The following MRPL1 variants were observed in gnomAD, a reference collection of about 807,000 sequenced individuals.
MRPL1 encodes the protein large ribosomal subunit protein uL1m.
MRPL1 carries 28 observed loss-of-function variants against 38.0 expected under a neutral mutation model. The observed-to-expected ratio is 0.74, with a 90% CI of 0.55 to 1.01. MRPL1 has a LOEUF of 1.01. Ranked by LOEUF, MRPL1 falls within the 50% of genes least tolerant of loss-of-function variation. The probability of loss-of-function intolerance (pLI) is 0.00; values close to 1 mark genes in which losing one functional copy is unlikely to be tolerated. For synonymous variants in MRPL1, 123 were observed against 126.7 expected, an observed-to-expected ratio of 0.97 and a Z score of 0.20; for missense variants, 358 against 389.8, an observed-to-expected ratio of 0.92 and a Z score of 0.69.
Position 77,920,088 on chromosome 4 carries a change from A to C in MRPL1, c.777+10716A>C, listed in dbSNP as rs1371914205. Among the ~76,000 whole-genome samples the C allele has an allele frequency of 3.3e-5, 5 of 152,168 alleles. No homozygotes were observed. In the East Asian group the frequency reaches 9.6e-4, roughly 29 times the overall value. On this transcript the variant is annotated intron_variant, in intron 7 of 8. Coordinates refer to ENST00000315567, the MANE Select transcript of MRPL1 (RefSeq NM_020236.4). ...CTTTAAAGAAGTGCAATGTACTATG[A>C]AAGTGACTTAGTTTTTTATCTTTTT... is the stretch of plus-strand genomic sequence containing the variant.
At position 77,907,106 on chromosome 4, in the gene MRPL1, C is replaced by G. The variant is rs117718402; in HGVS notation, c.671-2160C>G. The G allele has an allele frequency of 9.1e-6, 9 of 985,306 alleles. 1 individual carries two copies. The East Asian group carries it at 1.0e-3, about 112-fold the overall frequency. The allele number at this position is 985,306 out of a possible 1,614,324, so 61.0% of individuals were successfully genotyped here. A position where few individuals can be genotyped will look rare whatever the true frequency, so the allele number is the denominator to read the frequency against. On this transcript the variant is annotated intron_variant, in intron 6 of 8. Coordinates refer to ENST00000315567, the MANE Select transcript of MRPL1 (RefSeq NM_020236.4). ...CATTGATTCATCTATGGAAGACTTG[C>G]TTGAGCATGGTGGGAGTGATGTCTC...
intron 2 of MRPL1, among the ~76,000 whole-genome samples, chr4:77,874,915 G>C (rs1281304797): frequency 6.6e-6 from 1 of 151,308 alleles, no homozygotes; most frequent in Admixed American, 6.6e-5. Context: ...CCGAGTAGCT[G>C]GGATTACAGG....
At chr4:77,884,853 CATTT>C (rs1374568293) in intron 3 of MRPL1, among the ~76,000 whole-genome samples, 3 of 152,122 alleles carry the variant, frequency 2.0e-5, no homozygotes, top group African/African-American at 7.2e-5. Context: ...AGATAGCAAA[CATTT>C]ATTATACATC....
intron 7 of MRPL1, among the ~76,000 whole-genome samples, chr4:77,925,826 C>T (rs28640158): frequency 0.14 from 20,572 of 151,902 alleles, 1,846 homozygotes; most frequent in Non-Finnish European, 0.21. Flanking sequence ...TACTTTGCAA[C>T]CTTTTTTGGC....
chr4:77,889,662 A>C (rs1735762413), intron 5 of MRPL1, among the ~76,000 whole-genome samples: 2 of 152,222 alleles, frequency 1.3e-5, no homozygotes, highest in Non-Finnish European at 1.5e-5. Flanking sequence ...AGAGATACAA[A>C]AAACCCTTCA....
At chr4:77,947,585 A>G (rs1031155373) in intron 7 of MRPL1, among the ~76,000 whole-genome samples, 8 of 152,230 alleles carry the variant, frequency 5.3e-5, no homozygotes, top group Admixed American at 5.2e-4. Context: ...GGAAAGCACT[A>G]TTGGAAGTGC....
chr4:77,897,068 A>G lies in MRPL1; in HGVS notation c.670+2818A>G, dbSNP rs532277849. On this transcript the variant is annotated intron_variant, in intron 6 of 8. Coordinates refer to ENST00000315567, the MANE Select transcript of MRPL1 (RefSeq NM_020236.4). ...GAAACTAAAAACACTAGCGTGAAAT[A>G]TATCTTTTTTTTTTATGAGTCAGAG... 2.0e-5 allele frequency among the ~76,000 whole-genome samples: 3 copies of G among 150,366 alleles called. No homozygotes were observed. The South Asian group carries it at 6.3e-4, about 32-fold the overall frequency.
At chr4:77,863,993 C>A (rs1191709033) in intron 1 of MRPL1, among the ~76,000 whole-genome samples, 1 of 134,130 alleles carries the variant, frequency 7.5e-6, no homozygotes, top group Non-Finnish European at 1.5e-5. Context: ...TTTAACACTG[C>A]ATCACAGTTT....
intron 7 of MRPL1, among the ~76,000 whole-genome samples, chr4:77,930,439 T>A (rs1736818228): frequency 6.6e-6 from 1 of 152,216 alleles, no homozygotes; most frequent in Non-Finnish European, 1.5e-5. Flanking sequence ...TTCAAAGGAA[T>A]GCAAACCCTA....
At chr4:77,866,230 T>G (rs1041659875) in intron 1 of MRPL1, among the ~76,000 whole-genome samples, 1 of 152,126 alleles carries the variant, frequency 6.6e-6, no homozygotes, top group Non-Finnish European at 1.5e-5. Flanking sequence ...GTTTGTATTT[T>G]CAGTAGAGAC....
At chr4:77,941,067 A>C (rs1004960581) in intron 7 of MRPL1, among the ~76,000 whole-genome samples, 5 of 152,052 alleles carry the variant, frequency 3.3e-5, no homozygotes, top group African/African-American at 1.2e-4. Flanking sequence ...GGAGTTCAAG[A>C]CCACCCTGGC....
chr4:77,869,695 T>A (rs1314104236), intron 1 of MRPL1, among the ~76,000 whole-genome samples: 1 of 152,086 alleles, frequency 6.6e-6, no homozygotes, highest in Non-Finnish European at 1.5e-5. Context: ...GTTCAAGCGA[T>A]TCTTGTGCCT....
At chr4:77,882,000 A>G (rs1439227743) in intron 2 of MRPL1, among the ~76,000 whole-genome samples, 1 of 152,018 alleles carries the variant, frequency 6.6e-6, no homozygotes, top group African/African-American at 2.4e-5. Context: ...TTCTAACCTC[A>G]TCTTCCACTC....
In MRPL1 at chr4:77,878,680, C is replaced by T. The variant is rs142688505; in HGVS notation, c.144-4562C>T. Among the ~76,000 whole-genome samples the T allele has an allele frequency of 5.2e-3, 789 of 152,170 alleles. 4 individuals carry two copies. The highest frequency in any genetic ancestry group is 9.2e-3 in the Non-Finnish European group (624 of 67,998). The stretch of plus-strand genomic sequence containing the variant: ...AGATCACAAGGTCTGGAGTTCGAGA[C>T]CATCCTGGCCAACATGGTGAAACCT... On this transcript the variant is annotated intron_variant, in intron 2 of 8. Transcript: ENST00000315567.
chr4:77,943,577 C>G, intron 7 of MRPL1, among the ~76,000 whole-genome samples: 1 of 151,878 alleles, frequency 6.6e-6, no homozygotes. Flanking sequence ...TATTTTGATT[C>G]TCTTTTCTTT....
chr4:77,932,875 G>A (rs571532547), intron 7 of MRPL1, among the ~76,000 whole-genome samples: 8 of 151,908 alleles, frequency 5.3e-5, no homozygotes, highest in African/African-American at 1.9e-4. Flanking sequence ...AAAAGGTTGG[G>A]ACCACTTGTG....
In MRPL1 at chr4:77,891,303, T is replaced by TA. The variant is rs546622450; in HGVS notation, c.559-2835dup. The stretch of plus-strand genomic sequence containing the variant: ...ATTTTCTTCTTGCAACCACTAAAGT[T>TA]ACCTTGTAGAACTGTCATAGCCACT... On this transcript the variant is annotated intron_variant, in intron 5 of 8. Coordinates refer to ENST00000315567, the MANE Select transcript of MRPL1 (RefSeq NM_020236.4). Among the ~76,000 whole-genome samples the TA allele has an allele frequency of 1.2e-3, 179 of 151,934 alleles. 1 individual carries two copies. The highest frequency in any genetic ancestry group is 4.3e-3 in the African/African-American group (178 of 41,516).
Position 77,883,306 on chromosome 4 carries a change from G to GA in MRPL1, c.214dup (p.Ile72AsnfsTer12). 6.2e-7 allele frequency: 1 copy of GA among 1,603,818 alleles called. No individual in the cohort carries two copies. The highest frequency in any genetic ancestry group is 1.1e-5 in the South Asian group (1 of 87,260). On this transcript the variant is annotated frameshift_variant, in exon 3 of 9. Coordinates refer to ENST00000315567, the MANE Select transcript of MRPL1 (RefSeq NM_020236.4). LOFTEE classifies it high-confidence loss of function. Reference sequence around the variant, plus strand: ...ACCAGATGAGAAAAAAGATGAAATAGAAAAAATAAAAGCATATCCCTATAT... The same window carrying GA: ...ACCAGATGAGAAAAAAGATGAAATAGAAAAAAATAAAAGCATATCCCTATAT...
At chr4:77,897,172 A>G (rs927108153) in intron 6 of MRPL1, among the ~76,000 whole-genome samples, 3 of 151,900 alleles carry the variant, frequency 2.0e-5, no homozygotes, top group African/African-American at 7.3e-5. Flanking sequence ...GTTCAAGTGA[A>G]TCTGCCTCAG....
Sources: gnomAD v4.1 joint callset for allele counts (sites outside exome capture counted in the v4.1 genomes callset) on GRCh38, gnomAD v4.1.1 for gene constraint, MANE v1.5 for transcripts, NCBI Gene and HGNC (gene_info 2026-07-23, HGNC 2026-07-21) for gene names.